The following RCAN2 variants were observed in gnomAD, a reference collection of about 807,000 sequenced individuals.
RCAN2 encodes regulator of calcineurin 2.
Under a neutral mutation model 23.6 loss-of-function variants are expected in RCAN2, and 9 were observed. The observed-to-expected ratio is 0.38, with a 90% CI of 0.23 to 0.67. The LOEUF is 0.67. Among genes scored for constraint, RCAN2 ranks in the 30% least tolerant of loss-of-function variants. RCAN2 has a pLI of 0.51. For missense variants in RCAN2, 273 were observed against 302.3 expected, an observed-to-expected ratio of 0.90 and a Z score of 0.72; for synonymous variants, 109 against 115.7, an observed-to-expected ratio of 0.94 and a Z score of 0.37.
In RCAN2 at chr6:46,301,320, C is replaced by T. The variant is rs373240506; in HGVS notation, c.226-52424G>A. On this transcript the variant is annotated intron_variant, in intron 2 of 4. Coordinates refer to ENST00000371374, the MANE Select transcript of RCAN2 (RefSeq NM_001251974.2). ...TGGGGACTGAGCCCTCTTAAGACAG[C>T]TGTAAGGACTGCAAAGATACACAGG... is the stretch of plus-strand genomic sequence containing the variant. 5.3e-5 allele frequency among the ~76,000 whole-genome samples: 8 copies of T among 152,150 alleles called. No homozygotes were observed. In the East Asian group the frequency reaches 1.2e-3, roughly 22 times the overall value.
At chr6:46,289,035 T>A (rs555667269) in intron 2 of RCAN2, among the ~76,000 whole-genome samples, 10 of 152,314 alleles carry the variant, frequency 6.6e-5, no homozygotes, top group South Asian at 2.1e-4. Context: ...ATTTCTGTCA[T>A]GGGGCTACAT....
chr6:46,383,483 AG>A (rs1463233477), intron 2 of RCAN2, among the ~76,000 whole-genome samples: 1 of 152,138 alleles, frequency 6.6e-6, no homozygotes, highest in Non-Finnish European at 1.5e-5. Flanking sequence ...TGAATATTAA[AG>A]GTTAGAAGCA....
At chr6:46,385,115 G>C (rs867657404) in intron 2 of RCAN2, among the ~76,000 whole-genome samples, 1 of 152,136 alleles carries the variant, frequency 6.6e-6, no homozygotes, top group Non-Finnish European at 1.5e-5. Context: ...ATCATAAAAG[G>C]AACCTTTAAG....
chr6:46,296,463 T>C (rs1331483035), intron 2 of RCAN2, among the ~76,000 whole-genome samples: 1 of 152,118 alleles, frequency 6.6e-6, no homozygotes, highest in Non-Finnish European at 1.5e-5. Flanking sequence ...TATCTGACTT[T>C]AAAGATACCT....
At chr6:46,295,609 G>A (rs1442808444) in intron 2 of RCAN2, among the ~76,000 whole-genome samples, 6 of 152,088 alleles carry the variant, frequency 3.9e-5, no homozygotes, top group Middle Eastern at 3.2e-3. Context: ...TTTGAGGCAG[G>A]AGATAAAGGC....
chr6:46,254,680 G>C (rs1411354833), intron 2 of RCAN2, among the ~76,000 whole-genome samples: 1 of 152,118 alleles, frequency 6.6e-6, no homozygotes, highest in Non-Finnish European at 1.5e-5. Context: ...AAGAGGGAGA[G>C]AGAAGAGATA....
chr6:46,366,990 CTTTT>C (rs1765188872), intron 2 of RCAN2, among the ~76,000 whole-genome samples: 1 of 116,560 alleles, frequency 8.6e-6, no homozygotes, highest in African/African-American at 3.0e-5. Context: ...TGAAGGCTTT[CTTTT>C]TTATTTTATT....
intron 2 of RCAN2, among the ~76,000 whole-genome samples, chr6:46,419,114 G>A (rs766726983): frequency 4.6e-5 from 7 of 152,202 alleles, no homozygotes; most frequent in East Asian, 1.9e-4. Flanking sequence ...AAAATACGAC[G>A]TAATAGTGAG....
At chr6:46,451,997 T>A (rs1767896611) in intron 2 of RCAN2, among the ~76,000 whole-genome samples, 1 of 152,220 alleles carries the variant, frequency 6.6e-6, no homozygotes, top group Admixed American at 6.5e-5. Flanking sequence ...CCTTTTGTTT[T>A]GGCATCACTG....
intron 2 of RCAN2, among the ~76,000 whole-genome samples, chr6:46,354,395 G>A (rs1452754428): frequency 6.6e-6 from 1 of 152,142 alleles, no homozygotes; most frequent in Admixed American, 6.6e-5. Flanking sequence ...AATAAGTTCT[G>A]TGGTCTTCTA....
chr6:46,460,941 A>C (rs1004718294), intron 1 of RCAN2, among the ~76,000 whole-genome samples: 1 of 152,248 alleles, frequency 6.6e-6, no homozygotes, highest in African/African-American at 2.4e-5. Context: ...AATTTTACAA[A>C]TGAAAGATAG....
intron 4 of RCAN2, among the ~76,000 whole-genome samples, chr6:46,237,102 T>C (rs1582015359): frequency 6.7e-6 from 1 of 149,638 alleles, no homozygotes; most frequent in Non-Finnish European, 1.5e-5. Context: ...TTACATATTC[T>C]ACAAGCGACT....
chr6:46,305,036 C>T (rs1763019383), intron 2 of RCAN2, among the ~76,000 whole-genome samples: 1 of 152,102 alleles, frequency 6.6e-6, no homozygotes. Flanking sequence ...TCCCACCTAA[C>T]TCAGTCTAGC....
intron 2 of RCAN2, among the ~76,000 whole-genome samples, chr6:46,408,716 C>G (rs1407376590): frequency 6.6e-6 from 1 of 151,946 alleles, no homozygotes; most frequent in Non-Finnish European, 1.5e-5. Context: ...GAATACCAGA[C>G]AATAAGGAAT....
intron 2 of RCAN2, among the ~76,000 whole-genome samples, chr6:46,280,994 A>T (rs1181117720): frequency 6.6e-6 from 1 of 152,198 alleles, no homozygotes; most frequent in African/African-American, 2.4e-5. Flanking sequence ...GTACAGTTCT[A>T]GAGTACGCAT....
intron 2 of RCAN2, among the ~76,000 whole-genome samples, chr6:46,415,770 A>G (rs562501663): frequency 6.6e-6 from 1 of 152,316 alleles, no homozygotes; most frequent in Non-Finnish European, 1.5e-5. Flanking sequence ...CATGTGAAGG[A>G]CAAAACAATG....
chr6:46,425,841 C>T (rs1182176042), intron 2 of RCAN2, among the ~76,000 whole-genome samples: 1 of 151,250 alleles, frequency 6.6e-6, no homozygotes, highest in Admixed American at 6.6e-5. Context: ...GTTCACTTCG[C>T]AATAGCTTTA....
At chr6:46,256,112 G>C (rs1024276142) in intron 2 of RCAN2, among the ~76,000 whole-genome samples, 5 of 152,266 alleles carry the variant, frequency 3.3e-5, no homozygotes, top group Admixed American at 1.3e-4. Flanking sequence ...GCTCACGCCT[G>C]TAATCCCAGC....
intron 2 of RCAN2, among the ~76,000 whole-genome samples, chr6:46,261,379 C>G (rs1767101548): frequency 6.6e-6 from 1 of 152,146 alleles, no homozygotes; most frequent in African/African-American, 2.4e-5. Context: ...GCCTCAGTTT[C>G]CTTACTATAA....
Sources: gnomAD v4.1 joint callset for allele counts (sites outside exome capture counted in the v4.1 genomes callset) on GRCh38, gnomAD v4.1.1 for gene constraint, MANE v1.5 for transcripts, NCBI Gene and HGNC (gene_info 2026-07-23, HGNC 2026-07-21) for gene names.